Variants in HDAC4 observed in about 807,000 individuals in gnomAD.
HDAC4 encodes the protein histone deacetylase 4.
Under a neutral mutation model 135.1 loss-of-function variants are expected in HDAC4, and 16 were observed. The observed-to-expected ratio is 0.12, with a 90% CI of 0.08 to 0.18. The LOEUF (loss-of-function observed/expected upper bound fraction) is 0.18, where lower values mean the gene tolerates loss of function less well. Among genes scored for constraint, HDAC4 ranks in the 10% least tolerant of loss-of-function variants. The pLI is 1.00. For synonymous variants in HDAC4, 685 were observed against 653.4 expected (o/e 1.05, Z -0.74); for missense variants, 1,143 against 1,511.8 (o/e 0.76, Z 4.05).
At chr2:239,210,013 G>T (rs983175424) in intron 3 of HDAC4, among the ~76,000 whole-genome samples, 1 of 152,214 alleles carries the variant, frequency 6.6e-6, no homozygotes, top group Non-Finnish European at 1.5e-5. Flanking sequence ...CAGCATGAAT[G>T]AGACGGGGCC....
rs557664009 is a variant in HDAC4, at chr2:239,080,444, C to T, written c.2750+651G>A. 3.3e-5 allele frequency among the ~76,000 whole-genome samples: 5 copies of T among 152,358 alleles called. No homozygotes were observed. The East Asian group carries it at 9.6e-4, about 29-fold the overall frequency. On this transcript the variant is annotated intron_variant, in intron 22 of 26. Coordinates refer to ENST00000543185, the MANE Select transcript of HDAC4 (RefSeq NM_001378414.1). ...GCCCTGGACGCCCGTCACTCCACCA[C>T]GGCAGGTGAAGCTGCCATTTTAAAA...
chr2:239,063,753 C>T (rs2033117252), intron 24 of HDAC4, among the ~76,000 whole-genome samples: 2 of 152,192 alleles, frequency 1.3e-5, no homozygotes, highest in African/African-American at 4.8e-5. Context: ...CTCTCACTGA[C>T]CCCCAGGGTC....
At chr2:239,105,013 C>T (rs944770370) in intron 15 of HDAC4, among the ~76,000 whole-genome samples, 2 of 152,234 alleles carry the variant, frequency 1.3e-5, no homozygotes, top group African/African-American at 4.8e-5. Context: ...CGGGACACCG[C>T]GATGGCTCAG....
intron 1 of HDAC4, among the ~76,000 whole-genome samples, chr2:239,376,555 C>A (rs1412013237): frequency 2.0e-5 from 3 of 152,266 alleles, no homozygotes; most frequent in Non-Finnish European, 4.4e-5. Flanking sequence ...CTACTACCAT[C>A]AGTAACATGG....
chr2:239,267,747 C>T (rs558470533), intron 2 of HDAC4, among the ~76,000 whole-genome samples: 51 of 152,396 alleles, frequency 3.3e-4, no homozygotes, highest in African/African-American at 1.2e-3. Flanking sequence ...AAGAGCTCTG[C>T]CCTGGGGCAG....
At chr2:239,343,255 C>A (rs556016623) in intron 2 of HDAC4, among the ~76,000 whole-genome samples, 3 of 152,176 alleles carry the variant, frequency 2.0e-5, no homozygotes, top group Non-Finnish European at 4.4e-5. Context: ...GCCATGTTCT[C>A]ATGAAATAAA....
intron 2 of HDAC4, among the ~76,000 whole-genome samples, chr2:239,288,169 T>C (rs1444852061): frequency 6.6e-6 from 1 of 151,856 alleles, no homozygotes; most frequent in East Asian, 1.9e-4. Flanking sequence ...AATGACAAGA[T>C]TTATCACAAA....
Position 239,306,777 on chromosome 2 carries a change from C to T in HDAC4, c.22+45901G>A, listed in dbSNP as rs1016650452. 6.6e-6 allele frequency among the ~76,000 whole-genome samples: 1 copy of T among 152,088 alleles called. No individual in the cohort carries two copies. Among genetic ancestry groups the T allele is most frequent in the Non-Finnish European group, 1.5e-5 (1 of 67,994 alleles). On this transcript the variant is annotated intron_variant, in intron 2 of 26. Transcript: ENST00000543185. This position sits in a 1 kb window ranked among gnomAD's most constrained non-coding sequence, Gnocchi z 4.5. ...AATGCTAAGGGGCGAAGGCAGGACCCCACCCCAGCCAACAACCGGGAGACC... is the reference window on the plus strand; with the variant it reads ...AATGCTAAGGGGCGAAGGCAGGACCTCACCCCAGCCAACAACCGGGAGACC...
chr2:239,060,204 G>A (rs544137813), intron 24 of HDAC4, among the ~76,000 whole-genome samples: 1 of 152,206 alleles, frequency 6.6e-6, no homozygotes, highest in South Asian at 2.1e-4. Flanking sequence ...CTGAGCCTTG[G>A]GGGACTGGCT....
At chr2:239,077,799 GGCAGCAACA>G (rs1559380675) in intron 22 of HDAC4, among the ~76,000 whole-genome samples, 1 of 152,144 alleles carries the variant, frequency 6.6e-6, no homozygotes, top group African/African-American at 2.4e-5. Flanking sequence ...GTCTACAAAA[GGCAGCAACA>G]GCAGCAACAC....
At chr2:239,087,481 TCA>T in intron 19 of HDAC4, 76 bp downstream of exon 19, 2 of 1,420,082 alleles carry the variant, frequency 1.4e-6, no homozygotes, top group Non-Finnish European at 2.0e-6. Flanking sequence ...CCGCAGTCAC[TCA>T]CACACCCACC....
intron 4 of HDAC4, among the ~76,000 whole-genome samples, chr2:239,186,298 CTGA>C (rs1335013539): frequency 1.3e-5 from 2 of 152,328 alleles, no homozygotes; most frequent in East Asian, 3.9e-4. Context: ...TTCAAATTCA[CTGA>C]TGATTTAATG....
chr2:239,118,531 C>T (rs1417368595), intron 12 of HDAC4, among the ~76,000 whole-genome samples: 2 of 152,126 alleles, frequency 1.3e-5, no homozygotes, highest in African/African-American at 4.8e-5. Flanking sequence ...CACGGGTGAG[C>T]GTGCCGTTGG....
intron 5 of HDAC4, among the ~76,000 whole-genome samples, chr2:239,164,318 A>G (rs1166621684): frequency 2.6e-5 from 4 of 152,204 alleles, no homozygotes; most frequent in African/African-American, 9.7e-5. Flanking sequence ...GTGCAAATGG[A>G]TGCATCACGC....
rs750259703 is a variant in HDAC4 at position 239,108,200 on chromosome 2, G to A, written c.1979-17C>T. 2 of 1,590,054 alleles carry A rather than the reference G, an allele frequency of 1.3e-6. No individual in the cohort carries two copies. The highest frequency in any genetic ancestry group is 2.3e-5 in the East Asian group (1 of 43,456). Reference sequence around the variant, plus strand: ...ACACGAGGCCTGGGGCGGGGCAGAGGGGCCAAGATCAGCGCACATCCAGGG... The same window carrying A: ...ACACGAGGCCTGGGGCGGGGCAGAGAGGCCAAGATCAGCGCACATCCAGGG... On this transcript the variant is annotated splice_polypyrimidine_tract_variant and intron_variant, in intron 14 of 26. Coordinates refer to ENST00000543185, the MANE Select transcript of HDAC4 (RefSeq NM_001378414.1).
At position 239,146,930 on chromosome 2, in the gene HDAC4, C is replaced by T. The variant is rs571711136; in HGVS notation, c.734-2216G>A. Among the ~76,000 whole-genome samples, 2 of 152,202 alleles carry T rather than the reference C, an allele frequency of 1.3e-5. No homozygotes were observed. The highest frequency in any genetic ancestry group is 4.8e-5 in the African/African-American group (2 of 41,450). On this transcript the variant is annotated intron_variant, in intron 7 of 26. Coordinates refer to ENST00000543185, the MANE Select transcript of HDAC4 (RefSeq NM_001378414.1). The surrounding 1 kb of genome is among the most constrained non-coding windows in gnomAD (Gnocchi z 4.5). Reference sequence around the variant, plus strand: ...GGCTCCCTGATTCTAGCCGACTGCACGTCCCTGGTCGACTCTGCCTGCAGG... The same window carrying T: ...GGCTCCCTGATTCTAGCCGACTGCATGTCCCTGGTCGACTCTGCCTGCAGG...
At chr2:239,346,756 C>A (rs1559376367) in intron 2 of HDAC4, among the ~76,000 whole-genome samples, 1 of 145,786 alleles carries the variant, frequency 6.9e-6, no homozygotes, top group African/African-American at 2.5e-5. Context: ...ACACACACAC[C>A]CTGTCTAAAC....
intron 19 of HDAC4, among the ~76,000 whole-genome samples, chr2:239,084,457 G>A (rs1181182315): frequency 5.2e-5 from 6 of 116,284 alleles, no homozygotes; most frequent in African/African-American, 3.0e-5. Flanking sequence ...ACTCACACGC[G>A]TGCGCGCGCA....
At position 239,181,352 on chromosome 2, in the gene HDAC4, T is replaced by C. The variant is rs113228591; in HGVS notation, c.340-4789A>G. 2.0e-3 allele frequency among the ~76,000 whole-genome samples: 307 copies of C among 152,264 alleles called. 2 individuals are homozygous for C. In the East Asian group the frequency reaches 0.036, roughly 18 times the overall value. On this transcript the variant is annotated intron_variant, in intron 4 of 26. Transcript: ENST00000543185. ...ATGCAGGCTTGCCTTCCAGCAGGGG[T>C]GCTGCTCCTGGCAGATGTGTGGGCA...
Sources: gnomAD v4.1 joint callset for allele counts (sites outside exome capture counted in the v4.1 genomes callset) on GRCh38, gnomAD v4.1.1 for gene constraint, Gnocchi (gnomAD v3.1) non-coding constraint, MANE v1.5 for transcripts, NCBI Gene and HGNC (gene_info 2026-07-23, HGNC 2026-07-21) for gene names.